The following ANO3 variants were observed in gnomAD, a reference collection of about 807,000 sequenced individuals.
ANO3 encodes the protein anoctamin-3.
Under a neutral mutation model 144.8 loss-of-function variants are expected in ANO3, and 99 were observed. The ratio of observed to expected loss-of-function variants is 0.68; its 90% CI spans 0.58 to 0.81. The LOEUF (loss-of-function observed/expected upper bound fraction) is 0.81. Ranked by LOEUF, ANO3 falls within the 30% of genes least tolerant of loss-of-function variation. ANO3 has a pLI of 0.00. For missense variants in ANO3, 905 were observed against 1,202.2 expected (o/e 0.75, Z 3.66); for synonymous variants, 414 against 392.6 (o/e 1.05, Z -0.64).
chr11:26,406,681 G>A (rs1460258635), intron 1 of ANO3, among the ~76,000 whole-genome samples: 1 of 23,602 alleles, frequency 4.2e-5, no homozygotes, highest in Non-Finnish European at 8.2e-5. Flanking sequence ...ATGGCAGTGT[G>A]TGTGTGTGTG....
intron 18 of ANO3, among the ~76,000 whole-genome samples, chr11:26,626,715 T>C (rs1261595066): frequency 6.6e-6 from 1 of 152,240 alleles, no homozygotes; most frequent in Non-Finnish European, 1.5e-5. Flanking sequence ...CTTTGTTCAA[T>C]AATTTACTCC....
At chr11:26,593,900 T>A (rs1851529114) in intron 14 of ANO3, among the ~76,000 whole-genome samples, 1 of 152,166 alleles carries the variant, frequency 6.6e-6, no homozygotes, top group Non-Finnish European at 1.5e-5. Context: ...CTGATCTCTA[T>A]TATAAAAAAC....
At chr11:26,239,885 T>C (rs903078471) in intron 1 of ANO3, among the ~76,000 whole-genome samples, 5 of 152,214 alleles carry the variant, frequency 3.3e-5, no homozygotes, top group Non-Finnish European at 7.3e-5. Context: ...CAGTGACAGA[T>C]TACATGGGAA....
Position 26,516,853 on chromosome 11 carries a change from G to A in ANO3, c.618G>A (p.Met206Ile). 1 of 1,611,610 alleles carries A rather than the reference G, an allele frequency of 6.2e-7. No individual in the cohort carries two copies. Among genetic ancestry groups the A allele is most frequent in the Non-Finnish European group, 8.5e-7 (1 of 1,178,276 alleles). ...CAGCTATTGCAAGCCCCGATATCAT[G>A]TTTATTAAAATTCACATTCCATGGG... ...KEPAIASPDI[M>I]FIKIHIPWDT... Residue 206 changes from methionine to isoleucine, a missense_variant, in exon 6 of 27, where the codon ATG (methionine) becomes ATA (isoleucine). Around this residue, in one of 4 missense-constraint regions of ANO3, gnomAD observed 63 missense variants for 107.3 expected, o/e 0.59. Coordinates refer to ENST00000256737, the MANE Select transcript of ANO3 (RefSeq NM_031418.4).
At chr11:26,496,143 C>A (rs1331479724) in intron 4 of ANO3, among the ~76,000 whole-genome samples, 1 of 152,120 alleles carries the variant, frequency 6.6e-6, no homozygotes, top group Admixed American at 6.6e-5. Flanking sequence ...TTTGCATTTG[C>A]AAGCATGCAA....
rs7481460 is a variant in ANO3 at position 26,497,060 on chromosome 11, C to A, written c.433-11044C>A. On this transcript the variant is annotated intron_variant, in intron 4 of 26. Coordinates refer to ENST00000256737, the MANE Select transcript of ANO3 (RefSeq NM_031418.4). Reference sequence around the variant, plus strand: ...CACACACACACACTACATTTTCTCTCTCTATATATATACACAGACACACAA... The same window carrying A: ...CACACACACACACTACATTTTCTCTATCTATATATATACACAGACACACAA... Among the ~76,000 whole-genome samples, 82 of 148,130 alleles carry A rather than the reference C, an allele frequency of 5.5e-4. No individual in the cohort carries two copies. In the South Asian group the frequency reaches 6.7e-3, roughly 12 times the overall value.
intron 18 of ANO3, among the ~76,000 whole-genome samples, chr11:26,631,047 TG>T (rs1478282800): frequency 1.3e-5 from 2 of 152,100 alleles, no homozygotes; most frequent in East Asian, 3.9e-4. Flanking sequence ...AGCCATTTTT[TG>T]AAAAGTCCTA....
intron 1 of ANO3, among the ~76,000 whole-genome samples, chr11:26,395,703 C>T (rs1049594895): frequency 2.0e-5 from 3 of 150,104 alleles, no homozygotes; most frequent in African/African-American, 7.5e-5. Flanking sequence ...GAAAGGATAC[C>T]CTATTTAATA....
At chr11:26,391,696 G>A (rs923528965) in intron 1 of ANO3, among the ~76,000 whole-genome samples, 5 of 151,854 alleles carry the variant, frequency 3.3e-5, no homozygotes, top group Non-Finnish European at 5.9e-5. Flanking sequence ...ATTCTTGTTC[G>A]TTGTTTAGAA....
At chr11:26,387,084 G>C (rs1187664180) in intron 1 of ANO3, among the ~76,000 whole-genome samples, 7 of 150,886 alleles carry the variant, frequency 4.6e-5, no homozygotes, top group Non-Finnish European at 8.9e-5. Context: ...AAGAGACAGA[G>C]AGAAAGAGAG....
intron 1 of ANO3, among the ~76,000 whole-genome samples, chr11:26,408,802 A>G (rs1479579581): frequency 2.6e-5 from 4 of 151,826 alleles, no homozygotes; most frequent in Non-Finnish European, 5.9e-5. Context: ...GCCATAAAAA[A>G]TGAAGAGTTC....
chr11:26,496,968 T>TTA (rs1565061493), intron 4 of ANO3, among the ~76,000 whole-genome samples: 5 of 100,682 alleles, frequency 5.0e-5, no homozygotes, highest in Non-Finnish European at 8.5e-5. Flanking sequence ...AGAGAAAATG[T>TTA]TGTGTGTATA....
intron 22 of ANO3, 124 bp from the exon 23 acceptor site, chr11:26,643,058 T>TA: frequency 1.2e-6 from 1 of 827,186 alleles, no homozygotes; most frequent in Non-Finnish European, 1.9e-6. Flanking sequence ...GTCCTAACTG[T>TA]AAAATGAGAT....
chr11:26,640,123 AT>A (rs1590665234), intron 21 of ANO3, among the ~76,000 whole-genome samples: 1 of 152,144 alleles, frequency 6.6e-6, no homozygotes, highest in East Asian at 1.9e-4. Context: ...TATTGTGTTA[AT>A]TTACAGGCAG....
At chr11:26,273,810 T>C (rs1405686374) in intron 1 of ANO3, among the ~76,000 whole-genome samples, 5 of 152,066 alleles carry the variant, frequency 3.3e-5, no homozygotes, top group Non-Finnish European at 5.9e-5. Context: ...TGCCAGATCA[T>C]GAGGAAGAAG....
At chr11:26,445,614 A>G (rs961283925) in intron 3 of ANO3, among the ~76,000 whole-genome samples, 23 of 152,080 alleles carry the variant, frequency 1.5e-4, no homozygotes, top group African/African-American at 5.1e-4. Context: ...TCAATCTGTC[A>G]TTTATTCAAG....
chr11:26,576,477 T>G (rs551944916), intron 14 of ANO3, among the ~76,000 whole-genome samples: 37 of 152,298 alleles, frequency 2.4e-4, no homozygotes, highest in African/African-American at 8.2e-4. Context: ...ATTAGATTAT[T>G]TTGAATTTGC....
At chr11:26,324,321 C>G (rs1854832541) in intron 1 of ANO3, among the ~76,000 whole-genome samples, 1 of 152,140 alleles carries the variant, frequency 6.6e-6, no homozygotes, top group South Asian at 2.1e-4. Flanking sequence ...TTCAGCTGAC[C>G]TTGAGACTGT....
At chr11:26,532,925 A>G (rs1849410535) in intron 8 of ANO3, among the ~76,000 whole-genome samples, 1 of 152,174 alleles carries the variant, frequency 6.6e-6, no homozygotes, top group African/African-American at 2.4e-5. Context: ...TCTCTCTATA[A>G]TGTAACTCCA....
Sources: gnomAD v4.1 joint callset for allele counts (sites outside exome capture counted in the v4.1 genomes callset) on GRCh38, gnomAD v4.1.1 for gene constraint, gnomAD v4.1.1 regional missense constraint, MANE v1.5 for transcripts, NCBI Gene and HGNC (gene_info 2026-07-23, HGNC 2026-07-21) for gene names.